Variants in LIFR observed in about 807,000 individuals in gnomAD.
LIFR encodes the protein LIF receptor subunit alpha.
A neutral mutation model predicts 122.2 loss-of-function variants in LIFR; 84 were observed. The ratio of observed to expected loss-of-function variants is 0.69; its 90% CI spans 0.58 to 0.82. The LOEUF is 0.82. Ranked by LOEUF, LIFR falls within the 40% of genes least tolerant of loss-of-function variation. The pLI is 0.00. For synonymous variants in LIFR, 422 were observed against 434.7 expected, an observed-to-expected ratio of 0.97 and a Z score of 0.36; for missense variants, 1,294 against 1,311.6, an observed-to-expected ratio of 0.99 and a Z score of 0.21.
upstream of LIFR, among the ~76,000 whole-genome samples, chr5:38,598,487 C>T (rs1473770760): frequency 6.6e-6 from 1 of 151,818 alleles, no homozygotes; most frequent in East Asian, 1.9e-4. Flanking sequence ...CTTAGGTGAT[C>T]CGCCTGCCTC....
At chr5:38,489,294 G>T in intron 15 of LIFR, 49 bp from the exon 16 acceptor site, 1 of 1,332,210 alleles carries the variant, frequency 7.5e-7, no homozygotes, top group Non-Finnish European at 1.1e-6. Context: ...TGAATACAGA[G>T]TAATACAGTA....
chr5:38,530,824 A>T, intron 1 of LIFR, 158 bp from the exon 2 acceptor site: 1 of 686,210 alleles, frequency 1.5e-6, no homozygotes, highest in South Asian at 1.8e-5. Context: ...TGGCTTGTGG[A>T]GACATCAATA....
At chr5:38,521,357 T>G (rs1201822391) in intron 5 of LIFR, among the ~76,000 whole-genome samples, 1 of 152,196 alleles carries the variant, frequency 6.6e-6, no homozygotes, top group Non-Finnish European at 1.5e-5. Flanking sequence ...CAAGATTATA[T>G]CACCAGCAAA....
At chr5:38,484,671 T>C (rs1052761368) in intron 18 of LIFR, 104 bp downstream of exon 18, 6 of 765,582 alleles carry the variant, frequency 7.8e-6, no homozygotes, top group South Asian at 3.1e-5. Flanking sequence ...AACTAACTTA[T>C]TACAACAAAA....
intron 1 of LIFR, among the ~76,000 whole-genome samples, chr5:38,570,035 G>A (rs1314683057): frequency 6.6e-6 from 1 of 152,126 alleles, no homozygotes. Flanking sequence ...TGGCAGTATA[G>A]CAGAGGGGTT....
At chr5:38,482,481 C>T in intron 19 of LIFR, 108 bp downstream of exon 19, 1 of 699,910 alleles carries the variant, frequency 1.4e-6, no homozygotes, top group Non-Finnish European at 2.4e-6. Context: ...ATATAATTTT[C>T]CCAATACTTT....
upstream of LIFR, among the ~76,000 whole-genome samples, chr5:38,598,024 A>G (rs1750140335): frequency 4.6e-5 from 7 of 151,796 alleles, no homozygotes; most frequent in Admixed American, 3.9e-4. Context: ...AGGTGATAAT[A>G]AGAAAAAAAA....
chr5:38,481,596 T>A lies in LIFR; in HGVS notation c.3293A>T (p.Ter1098LeuextTer55). ...GACTGAAGTGACACGGTGACACTGT[T>A]AATCGTTTGGTTTGTTCTGAAAAAA... ...TNFFQNKPND[*>L] Residue 1098 changes from the stop codon to leucine (L), a stop_lost, in exon 20 of 20, where the codon TAA becomes TTA. Coordinates refer to ENST00000453190, the MANE Select transcript of LIFR (RefSeq NM_001127671.2). The A allele has an allele frequency of 1.2e-6, 2 of 1,614,202 alleles. No homozygotes were observed. Among genetic ancestry groups the A allele is most frequent in the Non-Finnish European group, 1.7e-6 (2 of 1,179,994 alleles).
chr5:38,507,456 C>T (rs113108855), intron 7 of LIFR, among the ~76,000 whole-genome samples: 2,922 of 147,564 alleles, frequency 0.02, 81 homozygotes, highest in African/African-American at 0.067. Flanking sequence ...CTCAGCTATT[C>T]GGGAGGCTGA....
chr5:38,591,702 A>G (rs1435635471), intron 1 of LIFR, among the ~76,000 whole-genome samples: 3 of 152,144 alleles, frequency 2.0e-5, no homozygotes, highest in African/African-American at 4.8e-5. Flanking sequence ...TTCTTAAAAT[A>G]TTGTTTTGCT....
At chr5:38,517,855 T>TAAAAAAAAAAAAAAAAAAAAAAA (rs1746173243) in intron 5 of LIFR, among the ~76,000 whole-genome samples, 1 of 4,792 alleles carries the variant, frequency 2.1e-4, no homozygotes, top group Non-Finnish European at 3.1e-4. Context: ...AGACACTGTC[T>TAAAAAAAAAAAAAAAAAAAAAAA]CAAAAAAAAA....
At chr5:38,530,982 T>A in intron 1 of LIFR, 1 of 250,048 alleles carries the variant, frequency 4.0e-6, no homozygotes, top group South Asian at 6.6e-5. Flanking sequence ...TACTAAAATG[T>A]AGAAAAGCAG....
chr5:38,481,523 CCA>C lies in LIFR; in HGVS notation c.*70_*71del. The C allele has an allele frequency of 6.8e-7, 1 of 1,468,328 alleles. No homozygotes were observed. The highest frequency in any genetic ancestry group is 9.5e-7 in the Non-Finnish European group (1 of 1,047,572). 91.0% of individuals were successfully genotyped at this position (1,468,328 alleles called of 1,614,324 possible). On this transcript the variant is annotated 3_prime_UTR_variant, in exon 20 of 20. Transcript: ENST00000453190. ...CTTCACAGGATCCCTCCAAGAATGC[CCA>C]GTGCTGATGTAGCAACACTAGCAGT...
intron 7 of LIFR, among the ~76,000 whole-genome samples, chr5:38,508,196 TATAAA>T (rs1289125302): frequency 6.6e-6 from 1 of 152,174 alleles, no homozygotes; most frequent in Non-Finnish European, 1.5e-5. Context: ...GAAATTAACT[TATAAA>T]ATAATCAACT....
chr5:38,508,117 T>C (rs1032387422), intron 7 of LIFR, among the ~76,000 whole-genome samples: 3 of 152,044 alleles, frequency 2.0e-5, no homozygotes, highest in South Asian at 2.1e-4. Flanking sequence ...AAGAGATAAA[T>C]AGAAGGACAG....
upstream of LIFR, chr5:38,557,402 G>C (rs952414575): frequency 6.5e-6 from 1 of 154,708 alleles, no homozygotes; most frequent in African/African-American, 2.4e-5. Flanking sequence ...AAATTAGCTG[G>C]AGAGCGTTTG....
At chr5:38,560,233 G>A (rs1003225722), upstream of LIFR, among the ~76,000 whole-genome samples, 1 of 152,038 alleles carries the variant, frequency 6.6e-6, no homozygotes, top group Non-Finnish European at 1.5e-5. Flanking sequence ...ATTGAAATGA[G>A]TGAAACTTTT....
At chr5:38,583,125 T>C (rs999662117) in intron 1 of LIFR, among the ~76,000 whole-genome samples, 8 of 152,228 alleles carry the variant, frequency 5.3e-5, no homozygotes, top group Admixed American at 1.3e-4. Flanking sequence ...ACGTGTTCAA[T>C]TGATGCTTGC....
Position 38,485,667 on chromosome 5 carries a change from G to A in LIFR, c.2497+152C>T, listed in dbSNP as rs75030901. ...AGAATAAACATGAAGTAATCTTACA[G>A]CTTTTTAACCCTTCCCTCTACCAGC... On this transcript the variant is annotated intron_variant, in intron 17 of 19. Coordinates refer to ENST00000453190, the MANE Select transcript of LIFR (RefSeq NM_001127671.2). 2,012 of 739,156 alleles carry A rather than the reference G, an allele frequency of 2.7e-3. 33 individuals are homozygous for A. The African/African-American group carries it at 0.032, about 12-fold the overall frequency. The allele number at this position is 739,156 out of a possible 1,614,324, so 45.8% of individuals were successfully genotyped here. A position where few individuals can be genotyped will look rare whatever the true frequency, so the allele number is the denominator to read the frequency against.
Sources: allele counts gnomAD v4.1 joint callset (sites outside exome capture counted in the v4.1 genomes callset), GRCh38; gene constraint gnomAD v4.1.1; transcripts MANE v1.5; gene names NCBI Gene and HGNC (gene_info 2026-07-23, HGNC 2026-07-21).